FBXO34: variants seen among roughly 807,000 people sequenced by gnomAD.
FBXO34 encodes the protein F-box protein 34.
In FBXO34, 12 loss-of-function variants were observed where a neutral mutation model predicts 24.5. That is an observed-to-expected ratio of 0.49 (90% CI 0.31 to 0.79). The LOEUF (loss-of-function observed/expected upper bound fraction) is 0.79, where lower values mean the gene tolerates loss of function less well. FBXO34 is among the 30% of genes least tolerant of loss of function. The probability of loss-of-function intolerance (pLI) is 0.04; values close to 1 mark genes in which losing one functional copy is unlikely to be tolerated. For missense variants in FBXO34, 823 were observed against 857.7 expected, an observed-to-expected ratio of 0.96 and a Z score of 0.51; for synonymous variants, 320 against 311.9, an observed-to-expected ratio of 1.03 and a Z score of -0.27.
chr14:55,433,114 G>T, the FBXO34 span, among the ~76,000 whole-genome samples: 1 of 151,832 alleles, frequency 6.6e-6, no homozygotes, highest in African/African-American at 2.4e-5. Context: ...TGTAAAATGG[G>T]GATATGTCAG....
downstream of FBXO34, among the ~76,000 whole-genome samples, chr14:55,374,107 TCAA>T (rs1318914112): frequency 1.3e-5 from 2 of 152,376 alleles, no homozygotes; most frequent in Middle Eastern, 3.4e-3. Flanking sequence ...CTTTTTTCCC[TCAA>T]CTACCAGCAA....
intron 1 of FBXO34, among the ~76,000 whole-genome samples, chr14:55,314,694 TGAAAG>T (rs1882868001): frequency 6.6e-6 from 1 of 152,140 alleles, no homozygotes; most frequent in South Asian, 2.1e-4. Context: ...ATACAACAAA[TGAAAG>T]AAAAAAACCT....
At chr14:55,344,000 G>A (rs1314988388) in intron 1 of FBXO34, among the ~76,000 whole-genome samples, 1 of 152,086 alleles carries the variant, frequency 6.6e-6, no homozygotes, top group Non-Finnish European at 1.5e-5. Flanking sequence ...AAGGAATACT[G>A]GAATTATTGA....
chr14:55,417,874 G>C, the FBXO34 span, among the ~76,000 whole-genome samples: 2 of 152,290 alleles, frequency 1.3e-5, no homozygotes, highest in Admixed American at 1.3e-4. Flanking sequence ...CTGGCTTTGA[G>C]ATCAAACAAT....
At chr14:55,403,543 C>CT in the FBXO34 span, among the ~76,000 whole-genome samples, 1,335 of 149,296 alleles carry the variant, frequency 8.9e-3, 23 homozygotes, top group African/African-American at 0.03. Context: ...CATATATAAT[C>CT]TTTTTTTTTT....
chr14:55,441,543 T>G, the FBXO34 span, among the ~76,000 whole-genome samples: 1 of 152,294 alleles, frequency 6.6e-6, no homozygotes, highest in Admixed American at 6.5e-5. Flanking sequence ...TCATTACTTC[T>G]CACCATCAAA....
At chr14:55,413,006 C>G in the FBXO34 span, among the ~76,000 whole-genome samples, 1 of 152,166 alleles carries the variant, frequency 6.6e-6, no homozygotes, top group Non-Finnish European at 1.5e-5. Flanking sequence ...TGAATCTGAG[C>G]CCTTTGCTCC....
intron 1 of FBXO34, among the ~76,000 whole-genome samples, chr14:55,327,617 G>T (rs939158242): frequency 6.6e-6 from 1 of 152,252 alleles, no homozygotes; most frequent in South Asian, 2.1e-4. Context: ...AAATAGGAAA[G>T]ATTTTGGAGA....
At chr14:55,298,379 C>CT (rs112310781) in intron 1 of FBXO34, among the ~76,000 whole-genome samples, 2,306 of 149,282 alleles carry the variant, frequency 0.015, 63 homozygotes, top group African/African-American at 0.053. Flanking sequence ...AGGATTATTT[C>CT]TTTTTTTTTT....
chr14:55,321,466 A>C (rs1883133170), intron 1 of FBXO34, among the ~76,000 whole-genome samples: 2 of 151,216 alleles, frequency 1.3e-5, no homozygotes, highest in Non-Finnish European at 2.9e-5. Flanking sequence ...GAGGGATTTC[A>C]GCTCACTGCA....
intron 1 of FBXO34, among the ~76,000 whole-genome samples, chr14:55,290,986 G>GT (rs564158406): frequency 5.3e-4 from 78 of 147,956 alleles, no homozygotes; most frequent in East Asian, 4.2e-3. Flanking sequence ...TGCCCACCTA[G>GT]TTTTTTTTTT....
intron 1 of FBXO34, among the ~76,000 whole-genome samples, chr14:55,277,749 T>A (rs1881391553): frequency 6.6e-6 from 1 of 152,246 alleles, no homozygotes; most frequent in African/African-American, 2.4e-5. Context: ...TTCTCAGTTA[T>A]AATTCTATCC....
chr14:55,401,293 C>A, the FBXO34 span, among the ~76,000 whole-genome samples: 1 of 151,670 alleles, frequency 6.6e-6, no homozygotes, highest in Non-Finnish European at 1.5e-5. Flanking sequence ...GATTATTTAG[C>A]AGGGAAATTG....
At position 55,297,493 on chromosome 14, in the gene FBXO34, G is replaced by A. The variant is rs1882179581; in HGVS notation, c.-11+25956G>A. Among the ~76,000 whole-genome samples, 3 of 152,106 alleles carry A rather than the reference G, an allele frequency of 2.0e-5. No homozygotes were observed. The South Asian group carries it at 6.2e-4, about 31-fold the overall frequency. ...TAGGAAGATTTAGTTTAAAATACAT[G>A]TTAAATGCCTAGCATATAGTAAGTG... On this transcript the variant is annotated intron_variant, in intron 1 of 1. Coordinates refer to ENST00000313833, the MANE Select transcript of FBXO34 (RefSeq NM_017943.4).
chr14:55,408,656 A>G, the FBXO34 span, among the ~76,000 whole-genome samples: 1 of 152,168 alleles, frequency 6.6e-6, no homozygotes, highest in African/African-American at 2.4e-5. Context: ...CTGTAGTCCC[A>G]CCTACTCAAA....
At chr14:55,426,453 C>T in the FBXO34 span, among the ~76,000 whole-genome samples, 1 of 152,022 alleles carries the variant, frequency 6.6e-6, no homozygotes, top group African/African-American at 2.4e-5. Context: ...GGGTTTAACA[C>T]AAGGCAAATT....
chr14:55,321,826 G>A lies in FBXO34; in HGVS notation c.-10-28555G>A, dbSNP rs561466959. 1.1e-4 allele frequency among the ~76,000 whole-genome samples: 16 copies of A among 152,286 alleles called. No homozygotes were observed. In the East Asian group the frequency reaches 2.5e-3, roughly 24 times the overall value. ...TATGTCCATTCTCTGTAAAGCTGCC[G>A]CAGGGATCTGTCAAAAATACTCATC... On this transcript the variant is annotated intron_variant, in intron 1 of 1. Transcript: ENST00000313833.
At chr14:55,367,738 C>CGTCT (rs1326446202) in exon 3 of FBXO34, 2 of 130,770 alleles carry the variant, frequency 1.5e-5, no homozygotes, top group Non-Finnish European at 3.5e-5. Context: ...AGTGAGACTC[C>CGTCT]GTCTCCAAAA....
intron 1 of FBXO34, among the ~76,000 whole-genome samples, chr14:55,274,687 C>T (rs1881275224): frequency 6.6e-6 from 1 of 152,040 alleles, no homozygotes; most frequent in Non-Finnish European, 1.5e-5. Context: ...AATTTAAATT[C>T]TTAAAAATTT....
Sources: gnomAD v4.1 joint callset for allele counts (sites outside exome capture counted in the v4.1 genomes callset) on GRCh38, gnomAD v4.1.1 for gene constraint, MANE v1.5 for transcripts, NCBI Gene and HGNC (gene_info 2026-07-23, HGNC 2026-07-21) for gene names.